PPP2R2C: variants seen among roughly 807,000 people sequenced by gnomAD.
PPP2R2C encodes the protein protein phosphatase 2, regulatory subunit B, gamma.
Under a neutral mutation model 45.3 loss-of-function variants are expected in PPP2R2C, and 10 were observed. The observed-to-expected ratio is 0.22, with a 90% CI of 0.14 to 0.37. The LOEUF (loss-of-function observed/expected upper bound fraction) is 0.37. Ranked by LOEUF, PPP2R2C falls within the 10% of genes least tolerant of loss-of-function variation. The pLI, the probability that PPP2R2C is intolerant of heterozygous loss-of-function variation, is 1.00. For synonymous variants in PPP2R2C, 257 were observed against 245.4 expected (o/e 1.05, Z -0.44); for missense variants, 308 against 619.7 (o/e 0.50, Z 5.34).
At chr4:6,361,091 A>C (rs28552815) in intron 5 of PPP2R2C, among the ~76,000 whole-genome samples, 3,368 of 152,290 alleles carry the variant, frequency 0.022, 113 homozygotes, top group African/African-American at 0.077. Context: ...TAGGGTTTCA[A>C]CATATGAATG....
At chr4:6,398,090 T>C (rs73206146) in intron 1 of PPP2R2C, among the ~76,000 whole-genome samples, 7,469 of 152,274 alleles carry the variant, frequency 0.049, 316 homozygotes, top group Non-Finnish European at 0.07. Flanking sequence ...AAAATGAATA[T>C]CAACTCTTAC....
chr4:6,411,825 T>C (rs1466086765), intron 1 of PPP2R2C, among the ~76,000 whole-genome samples: 2 of 151,910 alleles, frequency 1.3e-5, no homozygotes, highest in Non-Finnish European at 2.9e-5. Flanking sequence ...GTGCTAGGAT[T>C]ATAGGCATGA....
At chr4:6,559,113 G>A (rs1725498650) in intron 1 of PPP2R2C, among the ~76,000 whole-genome samples, 1 of 152,228 alleles carries the variant, frequency 6.6e-6, no homozygotes, top group Non-Finnish European at 1.5e-5. Flanking sequence ...TTCCTGAGAA[G>A]GAATCACAGA....
At chr4:6,438,149 G>C (rs1719982147) in intron 1 of PPP2R2C, among the ~76,000 whole-genome samples, 1 of 152,150 alleles carries the variant, frequency 6.6e-6, no homozygotes, top group African/African-American at 2.4e-5. Context: ...AGCAGTATCT[G>C]GTCTGCATTT....
At chr4:6,470,858 C>T (rs1277246943) in intron 1 of PPP2R2C, among the ~76,000 whole-genome samples, 1 of 151,992 alleles carries the variant, frequency 6.6e-6, no homozygotes, top group Non-Finnish European at 1.5e-5. Context: ...CGTGACTCAG[C>T]GGTTCTCCCG....
chr4:6,401,332 A>T (rs1420252639), intron 1 of PPP2R2C, among the ~76,000 whole-genome samples: 1 of 152,178 alleles, frequency 6.6e-6, no homozygotes, highest in African/African-American at 2.4e-5. Flanking sequence ...GCTGTTTCCG[A>T]GTATTGTCAG....
At chr4:6,545,679 C>G (rs1724956189) in intron 1 of PPP2R2C, among the ~76,000 whole-genome samples, 2 of 152,222 alleles carry the variant, frequency 1.3e-5, no homozygotes, top group Non-Finnish European at 2.9e-5. Flanking sequence ...GAGCAACCCT[C>G]TTTTTCTAAG....
At chr4:6,500,312 T>A (rs997228308) in intron 2 of PPP2R2C, among the ~76,000 whole-genome samples, 1 of 152,122 alleles carries the variant, frequency 6.6e-6, no homozygotes, top group African/African-American at 2.4e-5. Flanking sequence ...CATACCCAGA[T>A]GATCTTTGTA....
In PPP2R2C at chr4:6,348,024, G is replaced by C; in HGVS notation, c.626-14C>G. 6.2e-7 allele frequency: 1 copy of C among 1,612,120 alleles called. No individual in the cohort carries two copies. Among genetic ancestry groups the C allele is most frequent in the Non-Finnish European group, 8.5e-7 (1 of 1,178,666 alleles). The stretch of plus-strand genomic sequence containing the variant: ...TGTCCACGATGTCTGGGGGCAGTGC[G>C]GTCAAGGAAGGGGCAGTGAAGGGCG... On this transcript the variant is annotated splice_polypyrimidine_tract_variant and intron_variant, in intron 5 of 8. Transcript: ENST00000382599.
intron 1 of PPP2R2C, among the ~76,000 whole-genome samples, chr4:6,542,885 C>A (rs971236400): frequency 2.0e-5 from 3 of 152,138 alleles, no homozygotes; most frequent in African/African-American, 7.2e-5. Context: ...TATTTACAAC[C>A]CATTTGAACT....
At chr4:6,424,320 G>T (rs931429832) in intron 1 of PPP2R2C, among the ~76,000 whole-genome samples, 1 of 152,232 alleles carries the variant, frequency 6.6e-6, no homozygotes, top group Non-Finnish European at 1.5e-5. Flanking sequence ...GCCATCCTGC[G>T]TGAGCTGACG....
intron 1 of PPP2R2C, among the ~76,000 whole-genome samples, chr4:6,459,043 C>G (rs12644059): frequency 1.3e-5 from 2 of 152,178 alleles, no homozygotes; most frequent in African/African-American, 2.4e-5. Flanking sequence ...CATGACTCTT[C>G]CAGTTACCCA....
At chr4:6,337,034 T>C (rs941385212) in intron 6 of PPP2R2C, among the ~76,000 whole-genome samples, 4 of 110,514 alleles carry the variant, frequency 3.6e-5, no homozygotes, top group Non-Finnish European at 7.7e-5. Context: ...TGAGTTCTAA[T>C]TGGTCATCTC....
chr4:6,340,429 G>A (rs1240853332), intron 6 of PPP2R2C, among the ~76,000 whole-genome samples: 1 of 152,082 alleles, frequency 6.6e-6, no homozygotes, highest in Admixed American at 6.5e-5. Context: ...CCACTCCAAT[G>A]CACCTACTTA....
At chr4:6,384,992 A>G (rs974265501) in intron 1 of PPP2R2C, among the ~76,000 whole-genome samples, 2 of 152,214 alleles carry the variant, frequency 1.3e-5, no homozygotes, top group Non-Finnish European at 2.9e-5. Context: ...TTAGAGGTTC[A>G]AGTGAGACAA....
chr4:6,372,635 G>C lies in PPP2R2C; in HGVS notation c.513C>G (p.Gly171=). The C allele has an allele frequency of 6.2e-7, 1 of 1,614,208 alleles. No homozygotes were observed. Among genetic ancestry groups the C allele is most frequent in the Non-Finnish European group, 8.5e-7 (1 of 1,180,034 alleles). Reference sequence around the variant, plus strand: ...AGATGGAGTTGATGTGGTAGGTGTGGCCATTGGCAAAGATCCTCCGAGGGC... The same window carrying C: ...AGATGGAGTTGATGTGGTAGGTGTGCCCATTGGCAAAGATCCTCCGAGGGC... The part of the protein sequence containing the change: ...EVSPRRIFAN[G]HTYHINSISV... Residue 171 remains glycine (G), a synonymous_variant, in exon 5 of 9, where the codon GGC becomes GGG. Coordinates refer to ENST00000382599, the MANE Select transcript of PPP2R2C (RefSeq NM_020416.4).
chr4:6,531,883 T>G (rs1167042953), intron 2 of PPP2R2C, among the ~76,000 whole-genome samples: 1 of 152,126 alleles, frequency 6.6e-6, no homozygotes, highest in Non-Finnish European at 1.5e-5. Context: ...CCGGAGCAGG[T>G]GGCAGCTGGC....
intron 2 of PPP2R2C, among the ~76,000 whole-genome samples, chr4:6,518,831 G>A (rs910240884): frequency 6.8e-6 from 1 of 147,260 alleles, no homozygotes; most frequent in Non-Finnish European, 1.5e-5. Context: ...GCTGAGGCAG[G>A]AGAATTGTTT....
intron 1 of PPP2R2C, chr4:6,382,786 TG>T (rs1715944725): frequency 3.5e-6 from 3 of 866,894 alleles, no homozygotes; most frequent in Non-Finnish European, 4.6e-6. Context: ...CACCTCTCAC[TG>T]GATGACTGCC....
Sources: gnomAD v4.1 joint callset for allele counts (sites outside exome capture counted in the v4.1 genomes callset) on GRCh38, gnomAD v4.1.1 for gene constraint, MANE v1.5 for transcripts, NCBI Gene and HGNC (gene_info 2026-07-23, HGNC 2026-07-21) for gene names.